Variants in ADCY5 observed in about 807,000 individuals in gnomAD.
The protein encoded by ADCY5 is adenylate cyclase type 5.
A neutral mutation model predicts 119.7 loss-of-function variants in ADCY5; 30 were observed. That is an observed-to-expected ratio of 0.25 (90% CI 0.19 to 0.34). The LOEUF (loss-of-function observed/expected upper bound fraction) is 0.34. Among genes scored for constraint, ADCY5 ranks in the 10% least tolerant of loss-of-function variants. The pLI, the probability that ADCY5 is intolerant of heterozygous loss-of-function variation, is 1.00. For missense variants in ADCY5, 1,324 were observed against 1,775.2 expected (o/e 0.75, Z 4.57); for synonymous variants, 753 against 762.2 (o/e 0.99, Z 0.20).
intron 1 of ADCY5, among the ~76,000 whole-genome samples, chr3:123,388,306 C>T (rs1181646875): frequency 1.3e-5 from 2 of 152,140 alleles, no homozygotes; most frequent in Non-Finnish European, 1.5e-5. Context: ...CCCATCAGCA[C>T]TGTATGACCA....
rs536604251 is a variant in ADCY5 at position 123,443,006 on chromosome 3, G to C, written c.1134+4406C>G. On this transcript the variant is annotated intron_variant, in intron 1 of 20. Transcript: ENST00000462833. ...CACTGAATTTCTCCTATCCAGAAATGCAGGTGATAGGGAAAGCAATTGGTG... is the reference window on the plus strand; with the variant it reads ...CACTGAATTTCTCCTATCCAGAAATCCAGGTGATAGGGAAAGCAATTGGTG... Among the ~76,000 whole-genome samples the C allele has an allele frequency of 1.3e-4, 20 of 152,294 alleles. No homozygotes were observed. The South Asian group carries it at 3.7e-3, about 28-fold the overall frequency.
At chr3:123,358,383 T>TCA (rs1340012704) in intron 1 of ADCY5, among the ~76,000 whole-genome samples, 2 of 152,114 alleles carry the variant, frequency 1.3e-5, no homozygotes, top group African/African-American at 4.8e-5. Flanking sequence ...GGTGGGAATA[T>TCA]CACTTGAGTC....
At position 123,345,757 on chromosome 3, in the gene ADCY5, G is replaced by GACACAC. The variant is rs1231817435; in HGVS notation, c.1406+2024_1406+2025insGTGTGT. Among the ~76,000 whole-genome samples the GACACAC allele has an allele frequency of 9.0e-3, 552 of 61,048 alleles. 4 individuals are homozygous for GACACAC. Among genetic ancestry groups the GACACAC allele is most frequent in the African/African-American group, 0.029 (438 of 14,968 alleles). The allele number at this position is 61,048 out of a possible 152,430, so 40.0% of individuals were successfully genotyped here. A position where few individuals can be genotyped will look rare whatever the true frequency, so the allele number is the denominator to read the frequency against. On this transcript the variant is annotated intron_variant, in intron 3 of 20. Coordinates refer to ENST00000462833, the MANE Select transcript of ADCY5 (RefSeq NM_183357.3). ...AGAGAGACAGACAGACAGACAGACA[G>GACACAC]ACAGACAGACAGACACACACACACA...
At position 123,328,655 on chromosome 3, in the gene ADCY5, G is replaced by A. The variant is rs374743599; in HGVS notation, c.1794C>T (p.Gly598=). ...CAGCTGTCACTCACCCTGCCTTGCCGCCAGCCTCCATGTGGTTGGCTAGCG... is the reference window on the plus strand; with the variant it reads ...CAGCTGTCACTCACCCTGCCTTGCCACCAGCCTCCATGTGGTTGGCTAGCG... ...DVTLANHMEA[G]GKAGRIHITK... Residue 598 remains glycine, a synonymous_variant, in exon 6 of 21, where the codon GGC becomes GGT. Transcript: ENST00000462833. 6 of 1,613,864 alleles carry A rather than the reference G, an allele frequency of 3.7e-6. No individual in the cohort carries two copies. Among genetic ancestry groups the A allele is most frequent in the East Asian group, 2.2e-5 (1 of 44,888 alleles).
intron 14 of ADCY5, 55 bp from the exon 15 acceptor site, chr3:123,300,350 C>A: frequency 1.9e-6 from 3 of 1,569,108 alleles, no homozygotes; most frequent in Non-Finnish European, 2.6e-6. Context: ...ACCCCGGGCC[C>A]TGGCCCCATG....
chr3:123,324,407 CACACACA>C (rs1941371765), intron 8 of ADCY5, among the ~76,000 whole-genome samples: 4 of 586 alleles, frequency 6.8e-3, no homozygotes, highest in African/African-American at 0.021. Context: ...ACAGAAACCA[CACACACA>C]CACACACACA....
intron 1 of ADCY5, among the ~76,000 whole-genome samples, chr3:123,372,586 T>A (rs950486413): frequency 2.6e-5 from 4 of 152,156 alleles, no homozygotes; most frequent in Admixed American, 2.6e-4. Flanking sequence ...ATGCCTAAGA[T>A]GACAGAGCAA....
chr3:123,284,809 C>A, intron 20 of ADCY5, 73 bp from the exon 21 acceptor site: 1 of 1,589,890 alleles, frequency 6.3e-7, no homozygotes. Context: ...GGTAGAGCCA[C>A]CTCTGACTGC....
intron 15 of ADCY5, 32 bp from the exon 16 acceptor site, chr3:123,297,414 G>A (rs1162594316): frequency 9.3e-6 from 15 of 1,612,098 alleles, no homozygotes; most frequent in Non-Finnish European, 1.3e-5. Flanking sequence ...ACTGGTCAGG[G>A]CCACCCTTCT....
chr3:123,367,121 G>A (rs781425095), intron 1 of ADCY5, among the ~76,000 whole-genome samples: 2 of 152,200 alleles, frequency 1.3e-5, no homozygotes, highest in Non-Finnish European at 1.5e-5. Context: ...CCATCCAACC[G>A]TGCTAGATCC....
intron 3 of ADCY5, among the ~76,000 whole-genome samples, chr3:123,333,595 A>C (rs2108417163): frequency 6.6e-6 from 1 of 152,336 alleles, no homozygotes; most frequent in African/African-American, 2.4e-5. Flanking sequence ...CCCCCAGCCC[A>C]GGAGGAAGGC....
chr3:123,429,287 T>C (rs1342224208), intron 1 of ADCY5, among the ~76,000 whole-genome samples: 2 of 152,218 alleles, frequency 1.3e-5, no homozygotes, highest in Non-Finnish European at 2.9e-5. Context: ...GGCTGTGGCA[T>C]GGAAAAGAAA....
intron 19 of ADCY5, among the ~76,000 whole-genome samples, chr3:123,288,841 C>T (rs145426443): frequency 1.0e-3 from 157 of 152,286 alleles, no homozygotes; most frequent in African/African-American, 3.6e-3. Flanking sequence ...GGACCTCTGC[C>T]GGACACCACA....
intron 1 of ADCY5, among the ~76,000 whole-genome samples, chr3:123,428,664 G>A (rs1426276789): frequency 1.3e-5 from 2 of 152,240 alleles, no homozygotes; most frequent in Admixed American, 1.3e-4. Context: ...TTCAGGGAAA[G>A]GAGAACCTGA....
intron 8 of ADCY5, 62 bp downstream of exon 8, chr3:123,325,260 T>G: frequency 1.9e-6 from 3 of 1,587,596 alleles, no homozygotes; most frequent in Non-Finnish European, 2.6e-6. Context: ...GCGGGCCTCA[T>G]GCCCACAGAA....
chr3:123,388,474 A>G (rs573707197), intron 1 of ADCY5, among the ~76,000 whole-genome samples: 177 of 152,240 alleles, frequency 1.2e-3, no homozygotes, highest in Non-Finnish European at 1.7e-3. Flanking sequence ...GGTACACATG[A>G]TGGGTTTAAG....
At chr3:123,291,977 C>G (rs919057876) in intron 17 of ADCY5, among the ~76,000 whole-genome samples, 3 of 152,178 alleles carry the variant, frequency 2.0e-5, no homozygotes, top group Admixed American at 6.5e-5. Flanking sequence ...GATGGGACAT[C>G]ACCAGTGACT....
At chr3:123,322,362 C>T (rs1941263775) in intron 8 of ADCY5, among the ~76,000 whole-genome samples, 2 of 152,208 alleles carry the variant, frequency 1.3e-5, no homozygotes, top group Non-Finnish European at 2.9e-5. Context: ...CTCCTTTGGT[C>T]ACCTGCTGAG....
chr3:123,412,845 G>GTGCTTCGTTCAATGAC (rs1459055556), intron 1 of ADCY5, among the ~76,000 whole-genome samples: 2 of 151,712 alleles, frequency 1.3e-5, no homozygotes, highest in African/African-American at 4.9e-5. Context: ...TCATGGTTAT[G>GTGCTTCGTTCAATGAC]TGCTTCGTTC....
Sources: allele counts gnomAD v4.1 joint callset (sites outside exome capture counted in the v4.1 genomes callset), GRCh38; gene constraint gnomAD v4.1.1; transcripts MANE v1.5; gene names NCBI Gene and HGNC (gene_info 2026-07-23, HGNC 2026-07-21).